PSD3: variants seen among roughly 807,000 people sequenced by gnomAD.
The protein encoded by PSD3 is pleckstrin and Sec7 domain containing 3.
Under a neutral mutation model 105.5 loss-of-function variants are expected in PSD3, and 49 were observed. The ratio of observed to expected loss-of-function variants is 0.46; its 90% CI spans 0.37 to 0.59. The LOEUF (loss-of-function observed/expected upper bound fraction) is 0.59, where lower values mean the gene tolerates loss of function less well. Among genes scored for constraint, PSD3 ranks in the 20% least tolerant of loss-of-function variants. The probability of loss-of-function intolerance (pLI) is 0.00; values close to 1 mark genes in which losing one functional copy is unlikely to be tolerated. For synonymous variants in PSD3, 557 were observed against 457.8 expected, an observed-to-expected ratio of 1.22 and a Z score of -2.77; for missense variants, 1,561 against 1,263.8, an observed-to-expected ratio of 1.24 and a Z score of -3.57.
chr8:18,761,601 C>T (rs988717534), intron 9 of PSD3, among the ~76,000 whole-genome samples: 4 of 152,124 alleles, frequency 2.6e-5, no homozygotes, highest in Admixed American at 6.5e-5. Flanking sequence ...ATCCTCATAC[C>T]GTACTGTCTC....
chr8:18,936,194 C>T, intron 1 of PSD3, 52 bp from the exon 2 acceptor site: 2 of 1,198,914 alleles, frequency 1.7e-6, no homozygotes, highest in Non-Finnish European at 2.4e-6. Context: ...CATTAAAAAA[C>T]ACATCATAAA....
chr8:18,836,355 A>G (rs1263465939), intron 4 of PSD3, among the ~76,000 whole-genome samples: 2 of 152,254 alleles, frequency 1.3e-5, no homozygotes, highest in African/African-American at 2.4e-5. Context: ...GTTATTTTAA[A>G]TAAATCAGAT....
intron 14 of PSD3, among the ~76,000 whole-genome samples, chr8:18,570,478 T>G (rs1019262357): frequency 6.9e-5 from 10 of 145,298 alleles, no homozygotes; most frequent in Admixed American, 5.6e-4. Flanking sequence ...TGGGATCTAA[T>G]TAAACTAAAG....
At chr8:19,079,534 G>C (rs2129478286) in intron 1 of PSD3, among the ~76,000 whole-genome samples, 1 of 152,310 alleles carries the variant, frequency 6.6e-6, no homozygotes, top group East Asian at 1.9e-4. Context: ...ACTTATGACA[G>C]ACCAGAAGTC....
intron 4 of PSD3, among the ~76,000 whole-genome samples, chr8:18,832,438 A>G (rs897048949): frequency 4.6e-5 from 7 of 152,086 alleles, no homozygotes; most frequent in African/African-American, 7.2e-5. Context: ...GCACAGGCTT[A>G]TTGGCCACAC....
chr8:18,776,390 T>TG (rs1406768215), intron 8 of PSD3, among the ~76,000 whole-genome samples: 3 of 148,302 alleles, frequency 2.0e-5, no homozygotes, highest in Non-Finnish European at 4.5e-5. Context: ...ATAATTTTTT[T>TG]TTTTTGTTTT....
intron 9 of PSD3, among the ~76,000 whole-genome samples, chr8:18,664,576 G>A (rs879574764): frequency 3.9e-5 from 6 of 152,192 alleles, no homozygotes; most frequent in Admixed American, 6.5e-5. Flanking sequence ...AGCTGCAACC[G>A]GTGATGGAGA....
At position 18,572,590 on chromosome 8, in the gene PSD3, T is replaced by A; in HGVS notation, c.2722A>T (p.Ile908Phe). ...VFSAPPFPAAIGSQKKFSRPL... is the reference protein window; with the variant it reads ...VFSAPPFPAAFGSQKKFSRPL... ...CGGCTAAACTTCTTCTGAGAGCCGA[T>A]TGCTGCTGGAAATGGTGGTGCAGAA... The change falls in exon 14 of 16, where the codon ATC becomes TTC. Residue 908 changes from isoleucine to phenylalanine, a missense_variant. Transcript: ENST00000327040. 1.2e-6 allele frequency: 2 copies of A among 1,614,124 alleles called. No individual in the cohort carries two copies. Among genetic ancestry groups the A allele is most frequent in the South Asian group, 1.1e-5 (1 of 91,074 alleles).
At chr8:18,662,479 T>C (rs1317012560) in intron 9 of PSD3, among the ~76,000 whole-genome samples, 1 of 152,246 alleles carries the variant, frequency 6.6e-6, no homozygotes, top group Non-Finnish European at 1.5e-5. Flanking sequence ...CATTATGTTA[T>C]ACATATTTTC....
chr8:18,984,923 A>G (rs1825426476), intron 1 of PSD3, among the ~76,000 whole-genome samples: 1 of 152,052 alleles, frequency 6.6e-6, no homozygotes, highest in African/African-American at 2.4e-5. Context: ...CTGACCCATC[A>G]CGCTTCGCTT....
intron 10 of PSD3, among the ~76,000 whole-genome samples, chr8:18,633,471 C>A (rs969050884): frequency 1.3e-5 from 2 of 151,964 alleles, no homozygotes; most frequent in Non-Finnish European, 2.9e-5. Context: ...CCATGTGTAC[C>A]CAATGTTTAG....
chr8:18,883,503 G>C (rs1818255772), intron 2 of PSD3, among the ~76,000 whole-genome samples: 1 of 152,086 alleles, frequency 6.6e-6, no homozygotes, highest in East Asian at 1.9e-4. Context: ...AATGGCCAAT[G>C]ACTCTCTACT....
intron 12 of PSD3, among the ~76,000 whole-genome samples, chr8:18,590,018 T>C (rs1212379080): frequency 3.3e-5 from 5 of 151,526 alleles, no homozygotes; most frequent in South Asian, 2.1e-4. Context: ...AATAAACTTT[T>C]GTAAAAAAAC....
intron 12 of PSD3, among the ~76,000 whole-genome samples, chr8:18,583,916 C>A (rs1460972732): frequency 6.6e-6 from 1 of 152,134 alleles, no homozygotes; most frequent in East Asian, 1.9e-4. Context: ...TATATATGCA[C>A]TCATTATTGA....
rs6990266 is a variant in PSD3, at chr8:18,686,277, G to A, written c.2173-30592C>T. Reference sequence around the variant, plus strand: ...TTCACTCTCAACATGACAATTCTGCGAAGTGGGTTGAGGTAATATTGCAAT... The same window carrying A: ...TTCACTCTCAACATGACAATTCTGCAAAGTGGGTTGAGGTAATATTGCAAT... On this transcript the variant is annotated intron_variant, in intron 9 of 15. Transcript: ENST00000327040. 9.9e-3 allele frequency among the ~76,000 whole-genome samples: 1,513 copies of A among 152,226 alleles called. 26 individuals carry two copies. Among genetic ancestry groups the A allele is most frequent in the African/African-American group, 0.033 (1,376 of 41,534 alleles).
chr8:18,974,430 C>T (rs1320908540), intron 1 of PSD3, among the ~76,000 whole-genome samples: 2 of 152,188 alleles, frequency 1.3e-5, no homozygotes, highest in East Asian at 1.9e-4. Flanking sequence ...GGGAGGGCCA[C>T]ATAGAATGCA....
chr8:18,980,261 A>C (rs1423817729), intron 1 of PSD3, among the ~76,000 whole-genome samples: 3 of 152,208 alleles, frequency 2.0e-5, no homozygotes, highest in Admixed American at 1.3e-4. Context: ...CTAATCTCCC[A>C]GGATCACCTC....
chr8:18,860,988 G>A (rs1816395338), intron 4 of PSD3, among the ~76,000 whole-genome samples: 1 of 152,098 alleles, frequency 6.6e-6, no homozygotes, highest in Non-Finnish European at 1.5e-5. Flanking sequence ...AATATCCAGG[G>A]AATTACTTTG....
At chr8:18,718,624 G>T (rs1802750553) in intron 9 of PSD3, among the ~76,000 whole-genome samples, 1 of 152,178 alleles carries the variant, frequency 6.6e-6, no homozygotes, top group Non-Finnish European at 1.5e-5. Context: ...ATGTATTCAT[G>T]TATTAGCTGT....
Sources: gnomAD v4.1 joint callset for allele counts (sites outside exome capture counted in the v4.1 genomes callset) on GRCh38, gnomAD v4.1.1 for gene constraint, MANE v1.5 for transcripts, NCBI Gene and HGNC (gene_info 2026-07-23, HGNC 2026-07-21) for gene names.